WNK2: variants seen among roughly 807,000 people sequenced by gnomAD.
WNK2 encodes the protein WNK lysine deficient protein kinase 2.
A neutral mutation model predicts 192.1 loss-of-function variants in WNK2; 67 were observed. That is an observed-to-expected ratio of 0.35 (90% CI 0.29 to 0.43). The LOEUF (loss-of-function observed/expected upper bound fraction) is 0.43, where lower values mean the gene tolerates loss of function less well. Ranked by LOEUF, WNK2 falls within the 20% of genes least tolerant of loss-of-function variation. WNK2 has a pLI of 1.00. For missense variants in WNK2, 2,698 were observed against 3,089.7 expected (o/e 0.87, Z 3.01); for synonymous variants, 1,439 against 1,393.9 (o/e 1.03, Z -0.72).
At chr9:93,199,957 T>C (rs1226589877) in intron 2 of WNK2, among the ~76,000 whole-genome samples, 1 of 147,622 alleles carries the variant, frequency 6.8e-6, no homozygotes, top group Non-Finnish European at 1.5e-5. Context: ...GGGGCAGCGG[T>C]TGGGCAGGTC....
At chr9:93,297,758 C>G in intron 23 of WNK2, 95 bp from the exon 24 acceptor site, 7 of 1,327,642 alleles carry the variant, frequency 5.3e-6, no homozygotes, top group Non-Finnish European at 7.2e-6. Context: ...ACCCTTCATC[C>G]CATGTTCTCC....
chr9:93,299,823 C>T (rs1449671167), intron 25 of WNK2, among the ~76,000 whole-genome samples: 1 of 146,902 alleles, frequency 6.8e-6, no homozygotes, highest in Non-Finnish European at 1.5e-5. Context: ...AGCCGCCCCG[C>T]CCCGCCCACC....
intron 28 of WNK2, among the ~76,000 whole-genome samples, chr9:93,315,128 C>T (rs998280148): frequency 6.6e-6 from 1 of 152,140 alleles, no homozygotes; most frequent in Non-Finnish European, 1.5e-5. Flanking sequence ...AGGAAAGCCA[C>T]GTTTCATGTC....
chr9:93,246,756 G>C (rs1169645402), intron 7 of WNK2, among the ~76,000 whole-genome samples: 1 of 152,208 alleles, frequency 6.6e-6, no homozygotes, highest in Non-Finnish European at 1.5e-5. Flanking sequence ...GGCCTGGCTG[G>C]TCCAGCCTGA....
intron 26 of WNK2, 63 bp from the exon 27 acceptor site, chr9:93,306,713 GT>G: frequency 6.3e-7 from 1 of 1,595,466 alleles, no homozygotes; most frequent in Non-Finnish European, 8.6e-7. Flanking sequence ...GTGTGGTAGC[GT>G]GTCCCAGTGT....
intron 22 of WNK2, 34 bp downstream of exon 22, chr9:93,292,430 G>A (rs369623952): frequency 1.2e-6 from 2 of 1,613,632 alleles, no homozygotes; most frequent in African/African-American, 1.3e-5. Context: ...TGGCTGGTTG[G>A]CAGGGTTTGC....
intron 8 of WNK2, among the ~76,000 whole-genome samples, chr9:93,250,689 A>G (rs146832206): frequency 3.3e-5 from 5 of 151,998 alleles, no homozygotes; most frequent in East Asian, 1.9e-4. Context: ...TGGTGACTCT[A>G]TTTAAGCAGC....
Position 93,259,139 on chromosome 9 carries a change from C to T in WNK2, c.2591C>T (p.Pro864Leu). ...LPLQAVKLPH[P>L]PGAPLAMPCR... Reference sequence around the variant, plus strand: ...CTGCAGGCTGTGAAGCTGCCCCACCCCCCTGGGGCGCCCCTGGCCATGCCC... The same window carrying T: ...CTGCAGGCTGTGAAGCTGCCCCACCTCCCTGGGGCGCCCCTGGCCATGCCC... Residue 864 changes from proline (P) to leucine (L), a missense_variant, in exon 12 of 30, where the codon CCC (proline) becomes CTC (leucine). Physicochemically the swap from Pro to Leu is moderately conservative, Grantham distance 98. Transcript: ENST00000427277. This position sits in a 1 kb window ranked among gnomAD's most constrained non-coding sequence, Gnocchi z 4.8. 1 of 1,611,518 alleles carries T rather than the reference C, an allele frequency of 6.2e-7. No homozygotes were observed. Among genetic ancestry groups the T allele is most frequent in the Non-Finnish European group, 8.5e-7 (1 of 1,178,904 alleles).
chr9:93,198,016 G>T (rs1395754258), intron 2 of WNK2, among the ~76,000 whole-genome samples: 2 of 152,312 alleles, frequency 1.3e-5, no homozygotes, highest in East Asian at 3.9e-4. Context: ...TCCTGAGAGG[G>T]AGGTGCTGTG....
At position 93,247,048 on chromosome 9, in the gene WNK2, T is replaced by A. The variant is rs902398569; in HGVS notation, c.1543-495T>A. On this transcript the variant is annotated intron_variant, in intron 7 of 29. Transcript: ENST00000427277. This position sits in a 1 kb window ranked among gnomAD's most constrained non-coding sequence, Gnocchi z 5.2. ...AGTTTTAAAATTTGCCAGGCATCAGTGCATACCTTACTGGTCCCTAATTAC... is the reference window on the plus strand; with the variant it reads ...AGTTTTAAAATTTGCCAGGCATCAGAGCATACCTTACTGGTCCCTAATTAC... Among the ~76,000 whole-genome samples, 2 of 152,234 alleles carry A rather than the reference T, an allele frequency of 1.3e-5. No individual in the cohort carries two copies. The highest frequency in any genetic ancestry group is 4.8e-5 in the African/African-American group (2 of 41,468).
At chr9:93,293,287 G>C in intron 23 of WNK2, 114 bp downstream of exon 23, 1 of 1,049,298 alleles carries the variant, frequency 9.5e-7, no homozygotes, top group Non-Finnish European at 1.3e-6. Context: ...GCGCCCACTT[G>C]GAGCTGCCAA....
In WNK2 at chr9:93,299,136, C is replaced by T. The variant is rs1851142333; in HGVS notation, c.5990C>T (p.Thr1997Ile). 3 of 1,612,006 alleles carry T rather than the reference C, an allele frequency of 1.9e-6. No homozygotes were observed. The Admixed American group carries it at 5.0e-5, about 27-fold the overall frequency. ...KDPAQASVGL[T>I]ADSTGLSGKA... The stretch of plus-strand genomic sequence containing the variant: ...CCTGCCCAAGCCAGTGTGGGGCTCA[C>T]TGCAGACAGCACGGGCCTGAGCGGG... The change falls in exon 25 of 30, where the codon ACT becomes ATT. Residue 1997 changes from threonine to isoleucine, a missense_variant. By Grantham distance (89) the Thr-to-Ile change is moderately conservative. Transcript: ENST00000427277.
chr9:93,250,100 AAAT>A lies in WNK2; in HGVS notation c.1834+2274_1834+2276del, dbSNP rs201691882. Among the ~76,000 whole-genome samples, 932 of 152,138 alleles carry A rather than the reference AAAT, an allele frequency of 6.1e-3. 9 individuals are homozygous for A. The highest frequency in any genetic ancestry group is 0.021 in the African/African-American group (880 of 41,486). Reference sequence around the variant, plus strand: ...AGCTAATTTTTGTATTTTAATACAAAAATAATAATACAAAACAATAATAAAACA... The same window carrying A: ...AGCTAATTTTTGTATTTTAATACAAAAATAATACAAAACAATAATAAAACA... On this transcript the variant is annotated intron_variant, in intron 8 of 29. Coordinates refer to ENST00000427277, the MANE Select transcript of WNK2 (RefSeq NM_006648.4).
intron 23 of WNK2, among the ~76,000 whole-genome samples, chr9:93,297,523 T>C (rs1382783600): frequency 6.6e-6 from 1 of 152,262 alleles, no homozygotes; most frequent in Admixed American, 6.5e-5. Flanking sequence ...TCCCTTCACC[T>C]GTGTTCATGT....
At chr9:93,252,476 T>A (rs543956688) in intron 8 of WNK2, among the ~76,000 whole-genome samples, 1 of 152,372 alleles carries the variant, frequency 6.6e-6, no homozygotes, top group African/African-American at 2.4e-5. Flanking sequence ...TCGCCTCTTA[T>A]AAAACACAGG....
chr9:93,312,375 A>AT (rs879718853), intron 28 of WNK2, among the ~76,000 whole-genome samples: 13 of 151,218 alleles, frequency 8.6e-5, no homozygotes, highest in South Asian at 2.1e-4. Flanking sequence ...TTTAGAGTTG[A>AT]TTTTTTTTCT....
chr9:93,268,838 AGGTCCATGCAGG>A, intron 19 of WNK2, 92 bp downstream of exon 19: 1 of 1,575,998 alleles, frequency 6.3e-7, no homozygotes, highest in Non-Finnish European at 8.6e-7. Context: ...CCCCGTGCCC[AGGTCCATGCAGG>A]GGGCTCACCC....
At position 93,270,617 on chromosome 9, in the gene WNK2, T is replaced by G. The variant is rs149539557; in HGVS notation, c.4033+1871T>G. On this transcript the variant is annotated intron_variant, in intron 19 of 29. Transcript: ENST00000427277. ...AGCCCAAGGAGCAGAAGCAAATGCTTTGGTGCAGGCAGGAAAGCCTCCAGG... is the reference window on the plus strand; with the variant it reads ...AGCCCAAGGAGCAGAAGCAAATGCTGTGGTGCAGGCAGGAAAGCCTCCAGG... Among the ~76,000 whole-genome samples, 30 of 152,316 alleles carry G rather than the reference T, an allele frequency of 2.0e-4. No homozygotes were observed. In the East Asian group the frequency reaches 4.1e-3, roughly 21 times the overall value.
intron 28 of WNK2, among the ~76,000 whole-genome samples, chr9:93,312,871 C>T (rs778509670): frequency 1.3e-5 from 2 of 152,180 alleles, no homozygotes; most frequent in Non-Finnish European, 2.9e-5. Context: ...GGTGGACCAC[C>T]CTCTGGCTCT....
Sources: allele counts gnomAD v4.1 joint callset (sites outside exome capture counted in the v4.1 genomes callset), GRCh38; gene constraint gnomAD v4.1.1; non-coding constraint Gnocchi (gnomAD v3.1); transcripts MANE v1.5; gene names NCBI Gene and HGNC (gene_info 2026-07-23, HGNC 2026-07-21).